Variants in IQSEC1 observed in about 807,000 individuals in gnomAD.
IQSEC1 encodes IQ motif and Sec7 domain ArfGEF 1.
A neutral mutation model predicts 91.0 loss-of-function variants in IQSEC1; 31 were observed. The observed-to-expected ratio is 0.34, with a 90% CI of 0.26 to 0.46. The LOEUF is 0.46. Ranked by LOEUF, IQSEC1 falls within the 20% of genes least tolerant of loss-of-function variation. The pLI is 1.00. For missense variants in IQSEC1, 1,388 were observed against 1,575.6 expected (o/e 0.88, Z 2.02); for synonymous variants, 699 against 662.6 (o/e 1.05, Z -0.84).
intron 1 of IQSEC1, among the ~76,000 whole-genome samples, chr3:13,233,685 C>T (rs1489507496): frequency 3.7e-4 from 57 of 152,176 alleles, no homozygotes; most frequent in Non-Finnish European, 1.9e-4. Context: ...TGCCACGTAG[C>T]CTGCTGTCTT....
chr3:12,908,592 T>C lies in IQSEC1; in HGVS notation c.2579-67A>G. On this transcript the variant is annotated intron_variant, in intron 11 of 13. Coordinates refer to ENST00000613206, the MANE Select transcript of IQSEC1 (RefSeq NM_001134382.3). The surrounding 1 kb of genome is among the most constrained non-coding windows in gnomAD (Gnocchi z 4.9). ...CCTAGAGTGGGCAGGAGACGGGGCC[T>C]TCTGCTTGGAGCTAGCACTGTCCTG... The C allele has an allele frequency of 6.5e-7, 1 of 1,547,982 alleles. No individual in the cohort carries two copies. The highest frequency in any genetic ancestry group is 8.9e-7 in the Non-Finnish European group (1 of 1,126,558).
Position 12,920,475 on chromosome 3 carries a change from G to A in IQSEC1, c.1975C>T (p.Pro659Ser). 9 of 1,614,226 alleles carry A rather than the reference G, an allele frequency of 5.6e-6. No homozygotes were observed. The highest frequency in any genetic ancestry group is 7.6e-6 in the Non-Finnish European group (9 of 1,180,038). The change falls in exon 6 of 14, where the codon CCC (proline) becomes TCC (serine). Residue 659 changes from proline (P) to serine (S), a missense_variant. This residue lies in a region of IQSEC1 where 1,059 missense variants were observed against 1,317.8 expected (regional missense o/e 0.80). Transcript: ENST00000613206. ...TCCTCTAGCTTCATTTTCCGCTCGG[G>A]CTTGACATTGGGGCTGTACATGTCG... The part of the protein sequence containing the change: ...NTDMYSPNVK[P>S]ERKMKLEDFI...
chr3:13,214,360 G>A lies in IQSEC1; in HGVS notation c.273-50227C>T, dbSNP rs910784294. ...CCCTTGTCCAGGAGCTGCCCAGGCC[G>A]ACTCCTCACCCCGTCCCACAGCCAG... On this transcript the variant is annotated intron_variant, in intron 1 of 15. Transcript: ENST00000648114. This position sits in a 1 kb window ranked among gnomAD's most constrained non-coding sequence, Gnocchi z 4.5. 6.6e-6 allele frequency among the ~76,000 whole-genome samples: 1 copy of A among 152,206 alleles called. No individual in the cohort carries two copies. The highest frequency in any genetic ancestry group is 1.5e-5 in the Non-Finnish European group (1 of 68,046).
rs555425357 is a variant in IQSEC1 at position 13,114,393 on chromosome 3, A to C, written c.302+49711T>G. On this transcript the variant is annotated intron_variant, in intron 2 of 15. Transcript: ENST00000648114. Reference sequence around the variant, plus strand: ...TGAATGTTCCCACAGGGAGAGAAGGACTGGCCACAGAAGATGTTAACAGGT... The same window carrying C: ...TGAATGTTCCCACAGGGAGAGAAGGCCTGGCCACAGAAGATGTTAACAGGT... Among the ~76,000 whole-genome samples, 5 of 152,284 alleles carry C rather than the reference A, an allele frequency of 3.3e-5. No homozygotes were observed. The East Asian group carries it at 9.6e-4, about 29-fold the overall frequency.
chr3:13,055,433 C>T (rs997558930), intron 1 of IQSEC1, among the ~76,000 whole-genome samples: 2 of 152,170 alleles, frequency 1.3e-5, no homozygotes, highest in Non-Finnish European at 2.9e-5. Flanking sequence ...TCCATGCAGC[C>T]CCCAATTCCA....
At chr3:12,963,999 T>C (rs1163099973) in intron 1 of IQSEC1, among the ~76,000 whole-genome samples, 1 of 152,226 alleles carries the variant, frequency 6.6e-6, no homozygotes, top group African/African-American at 2.4e-5. Context: ...GGCCAGGCGC[T>C]ATGCTAGGCA....
intron 1 of IQSEC1, among the ~76,000 whole-genome samples, chr3:13,194,554 C>G (rs1304034407): frequency 6.6e-6 from 1 of 152,160 alleles, no homozygotes; most frequent in African/African-American, 2.4e-5. Context: ...CTTTCCACCC[C>G]CCTTCTCAGA....
Position 13,199,744 on chromosome 3 carries a change from G to A in IQSEC1, c.273-35611C>T, listed in dbSNP as rs184402504. ...CACCCTGCCCCCATCTGAGTCCTCC[G>A]TGGCTGTCCCCGGACGTGAGGATGC... On this transcript the variant is annotated intron_variant, in intron 1 of 15. Transcript: ENST00000648114. Among the ~76,000 whole-genome samples the A allele has an allele frequency of 8.6e-5, 13 of 151,498 alleles. No homozygotes were observed. In the Middle Eastern group the frequency reaches 0.017, roughly 198 times the overall value.
intron 1 of IQSEC1, among the ~76,000 whole-genome samples, chr3:12,984,815 A>ATTTTTTTT (rs767194681): frequency 9.8e-6 from 1 of 102,210 alleles, no homozygotes; most frequent in Non-Finnish European, 1.9e-5. Context: ...AAGCAATTAC[A>ATTTTTTTT]TTTTTTTTTT....
At chr3:13,249,822 G>A (rs557385011) in intron 1 of IQSEC1, among the ~76,000 whole-genome samples, 7 of 152,324 alleles carry the variant, frequency 4.6e-5, no homozygotes, top group South Asian at 4.1e-4. Flanking sequence ...CGCTGCAGCC[G>A]TCATCCTCTT....
chr3:13,085,119 G>A (rs770351893), intron 2 of IQSEC1, among the ~76,000 whole-genome samples: 2 of 152,186 alleles, frequency 1.3e-5, no homozygotes, highest in African/African-American at 2.4e-5. Context: ...CGCTTATTAC[G>A]ACATCTCCTC....
chr3:13,022,774 A>G (rs1232333290), intron 1 of IQSEC1, among the ~76,000 whole-genome samples: 1 of 152,240 alleles, frequency 6.6e-6, no homozygotes, highest in Non-Finnish European at 1.5e-5. Context: ...GGGTTGACAC[A>G]AAGCAAAATA....
intron 1 of IQSEC1, among the ~76,000 whole-genome samples, chr3:13,240,512 G>A (rs1396947235): frequency 6.6e-6 from 1 of 152,250 alleles, no homozygotes; most frequent in Non-Finnish European, 1.5e-5. Context: ...CACCAGCGGT[G>A]TGGCAGAGGC....
chr3:13,013,425 C>T (rs553633096), intron 1 of IQSEC1, among the ~76,000 whole-genome samples: 1 of 152,178 alleles, frequency 6.6e-6, no homozygotes, highest in Non-Finnish European at 1.5e-5. Flanking sequence ...AATGAGCTCA[C>T]CCTTGCATGC....
chr3:12,992,435 C>A lies in IQSEC1; in HGVS notation c.24-50570G>T, dbSNP rs1702033206. ...GGGCTCTAATTGCACATGGCTTCAG[C>A]AGCCTGGCCATCTTGCCAACTGTAA... On this transcript the variant is annotated intron_variant, in intron 1 of 13. Transcript: ENST00000613206. The surrounding 1 kb of genome is among the most constrained non-coding windows in gnomAD (Gnocchi z 4.1). 6.6e-6 allele frequency among the ~76,000 whole-genome samples: 1 copy of A among 152,214 alleles called. No homozygotes were observed. Among genetic ancestry groups the A allele is most frequent in the South Asian group, 2.1e-4 (1 of 4,832 alleles).
intron 1 of IQSEC1, among the ~76,000 whole-genome samples, chr3:13,226,104 C>G (rs1694749512): frequency 6.6e-5 from 10 of 152,194 alleles, no homozygotes; most frequent in Admixed American, 6.5e-4. Flanking sequence ...GTCTCGAACT[C>G]CCGACCTCAG....
intron 1 of IQSEC1, among the ~76,000 whole-genome samples, chr3:13,236,803 T>C (rs950348601): frequency 6.6e-6 from 1 of 152,234 alleles, no homozygotes; most frequent in Non-Finnish European, 1.5e-5. Flanking sequence ...GCTGGCTGTC[T>C]GCACTTGAGG....
intron 1 of IQSEC1, among the ~76,000 whole-genome samples, chr3:13,043,248 G>C (rs992197590): frequency 7.9e-5 from 12 of 152,304 alleles, no homozygotes; most frequent in Admixed American, 3.3e-4. Flanking sequence ...CCACAGGCCA[G>C]GGGACCTGGC....
intron 12 of IQSEC1, among the ~76,000 whole-genome samples, chr3:12,903,398 T>C (rs903523494): frequency 6.6e-6 from 1 of 152,168 alleles, no homozygotes; most frequent in Non-Finnish European, 1.5e-5. Context: ...AGCTCAGTTT[T>C]GGTTTGTGCA....
Sources: gnomAD v4.1 joint callset for allele counts (sites outside exome capture counted in the v4.1 genomes callset) on GRCh38, gnomAD v4.1.1 for gene constraint, gnomAD v4.1.1 regional missense constraint, Gnocchi (gnomAD v3.1) non-coding constraint, MANE v1.5 for transcripts, NCBI Gene and HGNC (gene_info 2026-07-23, HGNC 2026-07-21) for gene names.